KIN: variants seen among roughly 807,000 people sequenced by gnomAD.
The protein encoded by KIN is Kin17 DNA and RNA binding protein.
A neutral mutation model predicts 63.0 loss-of-function variants in KIN; 47 were observed. That is an observed-to-expected ratio of 0.75 (90% CI 0.59 to 0.95). KIN has a LOEUF of 0.95. Among genes scored for constraint, KIN ranks in the 40% least tolerant of loss-of-function variants. The pLI, the probability that KIN is intolerant of heterozygous loss-of-function variation, is 0.00. For missense variants in KIN, 408 were observed against 460.9 expected, an observed-to-expected ratio of 0.89 and a Z score of 1.05; for synonymous variants, 160 against 157.7, an observed-to-expected ratio of 1.01 and a Z score of -0.11.
intron 1 of KIN, among the ~76,000 whole-genome samples, chr10:7,786,695 C>T (rs1157082729): frequency 2.6e-5 from 4 of 152,124 alleles, no homozygotes; most frequent in African/African-American, 9.7e-5. Context: ...AGGACCCTCA[C>T]TAGAATCTGA....
intron 1 of KIN, among the ~76,000 whole-genome samples, chr10:7,785,809 T>C (rs1262054392): frequency 2.3e-5 from 3 of 128,312 alleles, no homozygotes; most frequent in Admixed American, 8.0e-5. Context: ...TGAGACTCTG[T>C]CTAGAAAAAA....
intron 5 of KIN, 103 bp downstream of exon 5, chr10:7,778,735 T>A (rs977843139): frequency 2.7e-5 from 24 of 895,514 alleles, no homozygotes; most frequent in Non-Finnish European, 3.8e-5. Context: ...CAAGACTCCA[T>A]CTCCAAAACA....
At chr10:7,780,499 A>G (rs1835875547) in intron 2 of KIN, among the ~76,000 whole-genome samples, 192 bp from the exon 3 acceptor site, 1 of 152,012 alleles carries the variant, frequency 6.6e-6, no homozygotes, top group Non-Finnish European at 1.5e-5. Flanking sequence ...GGTTCAAGTG[A>G]TTCTCTTGCC....
chr10:7,773,572 T>C (rs1161809033), intron 7 of KIN, among the ~76,000 whole-genome samples: 1 of 152,236 alleles, frequency 6.6e-6, no homozygotes, highest in Non-Finnish European at 1.5e-5. Flanking sequence ...TAGGTGTTAA[T>C]TTTGAAACAT....
At chr10:7,769,844 G>A (rs891957064) in intron 7 of KIN, among the ~76,000 whole-genome samples, 1 of 152,132 alleles carries the variant, frequency 6.6e-6, no homozygotes, top group East Asian at 1.9e-4. Context: ...AGTCTAGCAC[G>A]TTACTCTCAG....
chr10:7,786,799 A>G (rs910581123), intron 1 of KIN, among the ~76,000 whole-genome samples: 4 of 152,192 alleles, frequency 2.6e-5, no homozygotes, highest in Admixed American at 2.0e-4. Flanking sequence ...TGCACTTTAT[A>G]TGGCAGTCCA....
chr10:7,773,026 C>T (rs1482129753), intron 7 of KIN, among the ~76,000 whole-genome samples: 2 of 152,140 alleles, frequency 1.3e-5, no homozygotes, highest in African/African-American at 4.8e-5. Flanking sequence ...GGAGATTTGA[C>T]ACCTGGAGGA....
chr10:7,762,305 C>G, intron 11 of KIN, 152 bp downstream of exon 11: 1 of 479,248 alleles, frequency 2.1e-6, no homozygotes, highest in East Asian at 3.3e-5. Context: ...CTACGATGCC[C>G]TTGAATCCAA....
chr10:7,765,523 T>C (rs1353313514), intron 9 of KIN, among the ~76,000 whole-genome samples: 1 of 152,232 alleles, frequency 6.6e-6, no homozygotes, highest in Non-Finnish European at 1.5e-5. Context: ...TAAATAATCA[T>C]TTTAAAATAT....
rs779192346 is a variant in KIN, at chr10:7,766,051, ACAGGCTGTAGC to A, written c.840_849+1del. ...CTTAAGAAACTCCAACTGAATACTT[ACAGGCTGTAGC>A]CAGTAGTCTGTTCGGGCAGTTCTTT... On this transcript the variant is annotated splice_donor_variant and coding_sequence_variant, in exon 9 of 13. Transcript: ENST00000379562. LOFTEE classifies it high-confidence loss of function. 6.2e-7 allele frequency: 1 copy of A among 1,606,090 alleles called. No homozygotes were observed. Among genetic ancestry groups the A allele is most frequent in the East Asian group, 2.2e-5 (1 of 44,696 alleles).
rs1428180918 is a variant in KIN at position 7,769,282 on chromosome 10, A to C, written c.732T>G (p.Ser244=). ...CTTTAGACTGAGTTGAGCTCTGGGA[A>C]GATTCTTTTCGTTTCACTGATGCTG... ...GSSASVKRKE[S]SQSSTQSKEK... Residue 244 remains serine (S), a synonymous_variant, in exon 8 of 13, where the codon TCT becomes TCG. Coordinates refer to ENST00000379562, the MANE Select transcript of KIN (RefSeq NM_012311.4). 3.7e-6 allele frequency: 6 copies of C among 1,613,744 alleles called. No individual in the cohort carries two copies. The highest frequency in any genetic ancestry group is 5.1e-6 in the Non-Finnish European group (6 of 1,179,756).
chr10:7,784,949 A>G (rs1050004416), intron 1 of KIN, among the ~76,000 whole-genome samples: 2 of 152,122 alleles, frequency 1.3e-5, no homozygotes, highest in African/African-American at 4.8e-5. Flanking sequence ...ATACAAGATC[A>G]CCTATAAAGA....
rs1388073313 is a variant in KIN, at chr10:7,759,935, T to G, written c.1074A>C (p.Glu358Asp). Residue 358 changes from glutamate (E) to aspartate (D), a missense_variant, in exon 12 of 13, where the codon GAA becomes GAC. By Grantham distance (45) the Glu-to-Asp change is conservative. Around this residue, in one of 2 missense-constraint regions of KIN, gnomAD observed 298 missense variants for 296.0 expected, o/e 1.01. Transcript: ENST00000379562. ...CTGAAAAAGTCTTCTCATTGATGGA[T>G]TCTAGGGTACCTTCATTTCCTCTGT... The part of the protein sequence containing the change: ...GGYRGNEGTL[E>D]SINEKTFSAT... The G allele has an allele frequency of 6.3e-7, 1 of 1,578,520 alleles. No individual in the cohort carries two copies. The highest frequency in any genetic ancestry group is 8.6e-7 in the Non-Finnish European group (1 of 1,160,684).
At chr10:7,767,022 CAAA>C (rs377478697) in intron 8 of KIN, among the ~76,000 whole-genome samples, 1 of 121,154 alleles carries the variant, frequency 8.3e-6, no homozygotes. Flanking sequence ...CACTCCATCT[CAAA>C]AAAAAAAAAA....
At chr10:7,783,821 T>C (rs903712135) in intron 1 of KIN, among the ~76,000 whole-genome samples, 4 of 152,088 alleles carry the variant, frequency 2.6e-5, no homozygotes, top group African/African-American at 9.7e-5. Context: ...ACCCAAGCCA[T>C]GAAACCAGAC....
At chr10:7,781,510 T>C (rs997687522) in intron 2 of KIN, among the ~76,000 whole-genome samples, 2 of 151,892 alleles carry the variant, frequency 1.3e-5, no homozygotes, top group Admixed American at 1.3e-4. Flanking sequence ...CCCAGGACTT[T>C]GGGAGATCGA....
At chr10:7,780,403 G>A (rs1251767349) in intron 2 of KIN, 96 bp from the exon 3 acceptor site, 2 of 1,071,098 alleles carry the variant, frequency 1.9e-6, no homozygotes, top group East Asian at 2.4e-5. Flanking sequence ...TTTTGTTTTT[G>A]TTTTTTTTGA....
intron 2 of KIN, among the ~76,000 whole-genome samples, chr10:7,780,625 G>A (rs1202107499): frequency 6.6e-6 from 1 of 152,020 alleles, no homozygotes; most frequent in Non-Finnish European, 1.5e-5. Flanking sequence ...TCTCAAACTC[G>A]TGACCTCAGG....
Position 7,762,539 on chromosome 10 carries a change from A to T in KIN, c.936T>A (p.Tyr312Ter), listed in dbSNP as rs976654220. 1 of 1,604,062 alleles carries T rather than the reference A, an allele frequency of 6.2e-7. No homozygotes were observed. Among genetic ancestry groups the T allele is most frequent in the Non-Finnish European group, 8.5e-7 (1 of 1,172,502 alleles). Residue 312 changes from tyrosine to a stop codon, truncating the protein, a stop_gained, in exon 11 of 13, where the codon TAT becomes TAA. Coordinates refer to ENST00000379562, the MANE Select transcript of KIN (RefSeq NM_012311.4). LOFTEE classifies it high-confidence loss of function. Reference sequence around the variant, plus strand: ...AATCAATCATCTTCACAACAGCTGTATATTTGTCAATTACTTCCTGTCATG... The same window carrying T: ...AATCAATCATCTTCACAACAGCTGTTTATTTGTCAATTACTTCCTGTCATG... ...KAIVKEVIDK[Y>*]TAVVKMIDSG...
Sources: gnomAD v4.1 joint callset for allele counts (sites outside exome capture counted in the v4.1 genomes callset) on GRCh38, gnomAD v4.1.1 for gene constraint, gnomAD v4.1.1 regional missense constraint, MANE v1.5 for transcripts, NCBI Gene and HGNC (gene_info 2026-07-23, HGNC 2026-07-21) for gene names.